Variants in TRAF7 observed in about 807,000 individuals in gnomAD.
TRAF7 encodes the protein E3 ubiquitin-protein ligase TRAF7.
A neutral mutation model predicts 89.3 loss-of-function variants in TRAF7; 45 were observed. The ratio of observed to expected loss-of-function variants is 0.50; its 90% CI spans 0.40 to 0.65. The LOEUF is 0.65. TRAF7 is among the 30% of genes least tolerant of loss of function. The pLI is 0.00. For missense variants in TRAF7, 677 were observed against 918.1 expected (o/e 0.74, Z 3.39); for synonymous variants, 406 against 369.2 (o/e 1.10, Z -1.14).
At position 2,159,473 on chromosome 16, in the gene TRAF7, G is replaced by A. The variant is rs2093048848; in HGVS notation, c.-39+3615G>A. On this transcript the variant is annotated intron_variant, in intron 1 of 20. Transcript: ENST00000326181. This position sits in a 1 kb window ranked among gnomAD's most constrained non-coding sequence, Gnocchi z 6.5. Reference sequence around the variant, plus strand: ...TTCTAAGGGACGTCAGGGAACAGCGGCGGAAGTGCGTGTGGCTTTGCTATG... The same window carrying A: ...TTCTAAGGGACGTCAGGGAACAGCGACGGAAGTGCGTGTGGCTTTGCTATG... Among the ~76,000 whole-genome samples the A allele has an allele frequency of 6.6e-6, 1 of 152,226 alleles. No individual in the cohort carries two copies.
chr16:2,172,117 G>A, intron 7 of TRAF7, 74 bp from the exon 8 acceptor site: 1 of 1,577,668 alleles, frequency 6.3e-7, no homozygotes, highest in Admixed American at 1.8e-5. Context: ...GCCCCCATTA[G>A]AGGCTCATGC....
chr16:2,166,477 TG>T (rs2093087059), intron 3 of TRAF7, among the ~76,000 whole-genome samples: 1 of 152,170 alleles, frequency 6.6e-6, no homozygotes, highest in South Asian at 2.1e-4. Flanking sequence ...GGCGCAATCT[TG>T]GCTCACTGCA....
In TRAF7 at chr16:2,168,432, T is replaced by G; in HGVS notation, c.231+264T>G. The G allele has an allele frequency of 2.2e-6, 1 of 446,108 alleles. No homozygotes were observed. The highest frequency in any genetic ancestry group is 2.6e-5 in the South Asian group (1 of 37,898). The allele number at this position is 446,108 out of a possible 1,614,324, so 27.6% of individuals were successfully genotyped here. On this transcript the variant is annotated intron_variant, in intron 4 of 20. Transcript: ENST00000326181. This position sits in a 1 kb window ranked among gnomAD's most constrained non-coding sequence, Gnocchi z 4.1. ...CACCTGCAGGCCAGGATGAGGCATA[T>G]TTGGCTCCATCTTAAGGGAGGTGGA...
chr16:2,173,851 G>T lies in TRAF7; in HGVS notation c.1135+15G>T. Reference sequence around the variant, plus strand: ...CATCCTAGGCTGTGAGTATGGACCCGCCGTGGCTCCCGCCCACCCTCCCCC... The same window carrying T: ...CATCCTAGGCTGTGAGTATGGACCCTCCGTGGCTCCCGCCCACCCTCCCCC... On this transcript the variant is annotated intron_variant, in intron 12 of 20. Transcript: ENST00000326181. 2 of 1,610,732 alleles carry T rather than the reference G, an allele frequency of 1.2e-6. No individual in the cohort carries two copies. Among genetic ancestry groups the T allele is most frequent in the East Asian group, 2.2e-5 (1 of 44,832 alleles).
In TRAF7 at chr16:2,173,562, G is replaced by A. The variant is rs868618322; in HGVS notation, c.1086+8G>A. On this transcript the variant is annotated splice_region_variant and intron_variant, in intron 11 of 20. Transcript: ENST00000326181. ...GACGCATCCATGTTAAATGTGAGCGGGCGGGGCTGGAGGGGCTGGGTTGTG... is the reference window on the plus strand; with the variant it reads ...GACGCATCCATGTTAAATGTGAGCGAGCGGGGCTGGAGGGGCTGGGTTGTG... 6.2e-7 allele frequency: 1 copy of A among 1,612,508 alleles called. No homozygotes were observed. Among genetic ancestry groups the A allele is most frequent in the African/African-American group, 1.3e-5 (1 of 75,038 alleles).
chr16:2,165,223 G>C (rs1365308138), intron 2 of TRAF7, among the ~76,000 whole-genome samples: 2 of 139,640 alleles, frequency 1.4e-5, no homozygotes, highest in African/African-American at 2.7e-5. Context: ...TGGTCGCATG[G>C]TTAAGCGTGT....
chr16:2,177,180 T>A lies in TRAF7; in HGVS notation c.*606T>A. 4.1e-6 allele frequency: 1 copy of A among 246,584 alleles called. No individual in the cohort carries two copies. Among genetic ancestry groups the A allele is most frequent in the Non-Finnish European group, 8.0e-6 (1 of 124,506 alleles). The allele number at this position is 246,584 out of a possible 1,614,324, so 15.3% of individuals were successfully genotyped here. Reference sequence around the variant, plus strand: ...GCCCCCAAAAAGTGAGCCAGGCACCTCTGTTTCCTGCTGTTTATTGACAGC... The same window carrying A: ...GCCCCCAAAAAGTGAGCCAGGCACCACTGTTTCCTGCTGTTTATTGACAGC... On this transcript the variant is annotated 3_prime_UTR_variant, in exon 21 of 21. Coordinates refer to ENST00000326181, the MANE Select transcript of TRAF7 (RefSeq NM_032271.3).
rs937007446 is a variant in TRAF7, at chr16:2,162,235, C to T, written c.-38-1648C>T. Reference sequence around the variant, plus strand: ...ATTGGAAGGGACAGGTGGGCCTGGGCAGCCTAGAGAATGGGAGAGGAGACA... The same window carrying T: ...ATTGGAAGGGACAGGTGGGCCTGGGTAGCCTAGAGAATGGGAGAGGAGACA... On this transcript the variant is annotated intron_variant, in intron 1 of 20. Transcript: ENST00000326181. The surrounding 1 kb of genome is among the most constrained non-coding windows in gnomAD (Gnocchi z 5.0). Among the ~76,000 whole-genome samples the T allele has an allele frequency of 6.6e-6, 1 of 151,994 alleles. No individual in the cohort carries two copies. The highest frequency in any genetic ancestry group is 2.4e-5 in the African/African-American group (1 of 41,386).
Position 2,167,366 on chromosome 16 carries a change from G to A in TRAF7, c.140-711G>A, listed in dbSNP as rs544050694. Among the ~76,000 whole-genome samples the A allele has an allele frequency of 2.6e-5, 4 of 152,362 alleles. No individual in the cohort carries two copies. In the South Asian group the frequency reaches 8.3e-4, roughly 32 times the overall value. ...GCCCAGGGCTCATCGTGACATCTGA[G>A]CTGGGCTGGTCCTGAGTCCGGGAGG... On this transcript the variant is annotated intron_variant, in intron 3 of 20. Coordinates refer to ENST00000326181, the MANE Select transcript of TRAF7 (RefSeq NM_032271.3).
rs2093138730 is a variant in TRAF7, at chr16:2,176,778, T to C, written c.*204T>C. On this transcript the variant is annotated 3_prime_UTR_variant, in exon 21 of 21. Coordinates refer to ENST00000326181, the MANE Select transcript of TRAF7 (RefSeq NM_032271.3). ...CTGTCCTTGCTGCCCAGCCCCTCTC[T>C]GGGTGCCAGGTACGACGCTTGCCCC... 1.3e-6 allele frequency: 1 copy of C among 744,016 alleles called. No individual in the cohort carries two copies. Among genetic ancestry groups the C allele is most frequent in the South Asian group, 1.7e-5 (1 of 59,718 alleles). The allele number at this position is 744,016 out of a possible 1,614,324, so 46.1% of individuals were successfully genotyped here.
At chr16:2,164,545 C>T (rs40340) in intron 2 of TRAF7, among the ~76,000 whole-genome samples, 3 of 131,790 alleles carry the variant, frequency 2.3e-5, no homozygotes, top group East Asian at 2.4e-4. Context: ...GTGAGTGCTG[C>T]GTGGCCTGGC....
rs910260900 is a variant in TRAF7, at chr16:2,158,643, T to G, written c.-39+2785T>G. ...CATTCCTGTTGCCTCTTCGGGCCCATGTATGGCCAGTGTTTATGTCAGCTC... is the reference window on the plus strand; with the variant it reads ...CATTCCTGTTGCCTCTTCGGGCCCAGGTATGGCCAGTGTTTATGTCAGCTC... On this transcript the variant is annotated intron_variant, in intron 1 of 20. Coordinates refer to ENST00000326181, the MANE Select transcript of TRAF7 (RefSeq NM_032271.3). This position sits in a 1 kb window ranked among gnomAD's most constrained non-coding sequence, Gnocchi z 4.7. Among the ~76,000 whole-genome samples, 1 of 152,062 alleles carries G rather than the reference T, an allele frequency of 6.6e-6. No homozygotes were observed. The highest frequency in any genetic ancestry group is 1.5e-5 in the Non-Finnish European group (1 of 67,998).
rs955603820 is a variant in TRAF7, at chr16:2,178,097, C to T, written c.*1523C>T. ...TTCTCTGGGGAAATCCGCCTCAGCT[C>T]ATTCCCAATAAATTAATACTCTTGA... On this transcript the variant is annotated 3_prime_UTR_variant, in exon 21 of 21. Coordinates refer to ENST00000326181, the MANE Select transcript of TRAF7 (RefSeq NM_032271.3). The T allele has an allele frequency of 7.9e-6, 4 of 503,632 alleles. No individual in the cohort carries two copies. Among genetic ancestry groups the T allele is most frequent in the African/African-American group, 1.9e-5 (1 of 51,482 alleles). The allele number at this position is 503,632 out of a possible 1,614,324, so 31.2% of individuals were successfully genotyped here.
At chr16:2,164,187 TGC>T (rs1330105991) in intron 2 of TRAF7, among the ~76,000 whole-genome samples, 186 bp downstream of exon 2, 16 of 130,984 alleles carry the variant, frequency 1.2e-4, no homozygotes, top group African/African-American at 3.9e-4. Flanking sequence ...CGCGCACGCG[TGC>T]GTGTGTGGTT....
intron 1 of TRAF7, among the ~76,000 whole-genome samples, chr16:2,160,747 G>A (rs1020605768): frequency 2.0e-4 from 30 of 152,108 alleles, no homozygotes; most frequent in Non-Finnish European, 3.7e-4. Flanking sequence ...AGGGCAGAGA[G>A]GCCAGAGAAT....
intron 7 of TRAF7, 32 bp from the exon 8 acceptor site, chr16:2,172,159 G>A (rs774689406): frequency 3.7e-6 from 6 of 1,611,868 alleles, no homozygotes; most frequent in Non-Finnish European, 4.2e-6. Context: ...TGCCAGGCAG[G>A]CCGTGAGGGT....
At chr16:2,165,263 G>A (rs2093079762) in intron 2 of TRAF7, among the ~76,000 whole-genome samples, 2 of 141,448 alleles carry the variant, frequency 1.4e-5, no homozygotes, top group Admixed American at 6.9e-5. Flanking sequence ...CTGGTCGCAT[G>A]GTTAAGCGTG....
Position 2,155,870 on chromosome 16 carries a change from C to T in TRAF7, c.-39+12C>T, listed in dbSNP as rs1029194857. 1 of 150,632 alleles carries T rather than the reference C, an allele frequency of 6.6e-6. No homozygotes were observed. The highest frequency in any genetic ancestry group is 2.4e-5 in the African/African-American group (1 of 41,218). 9.3% of individuals were successfully genotyped at this position (150,632 alleles called of 1,614,324 possible). A position where few individuals can be genotyped will look rare whatever the true frequency, so the allele number is the denominator to read the frequency against. Reference sequence around the variant, plus strand: ...GCGGCCGCGGGCGGGTGAGTGTCCCCGCGGCGCGCCCGACCCGGGGCTCGC... The same window carrying T: ...GCGGCCGCGGGCGGGTGAGTGTCCCTGCGGCGCGCCCGACCCGGGGCTCGC... On this transcript the variant is annotated intron_variant, in intron 1 of 20. Coordinates refer to ENST00000326181, the MANE Select transcript of TRAF7 (RefSeq NM_032271.3).
chr16:2,177,918 G>A lies in TRAF7; in HGVS notation c.*1344G>A. ...GCTAGCAGCCTGGGGCCTCCACTCT[G>A]GCCGGAGGAAGGACCGCAGGCAGAC... is the stretch of plus-strand genomic sequence containing the variant. On this transcript the variant is annotated 3_prime_UTR_variant, in exon 21 of 21. Coordinates refer to ENST00000326181, the MANE Select transcript of TRAF7 (RefSeq NM_032271.3). 2.9e-6 allele frequency: 1 copy of A among 345,978 alleles called. No individual in the cohort carries two copies. Among genetic ancestry groups the A allele is most frequent in the Non-Finnish European group, 5.4e-6 (1 of 184,604 alleles). 21.4% of individuals were successfully genotyped at this position (345,978 alleles called of 1,614,324 possible). A position where few individuals can be genotyped will look rare whatever the true frequency, so the allele number is the denominator to read the frequency against.
Sources: gnomAD v4.1 joint callset for allele counts (sites outside exome capture counted in the v4.1 genomes callset) on GRCh38, gnomAD v4.1.1 for gene constraint, Gnocchi (gnomAD v3.1) non-coding constraint, MANE v1.5 for transcripts, NCBI Gene and HGNC (gene_info 2026-07-23, HGNC 2026-07-21) for gene names.